CDK19: variants seen among roughly 807,000 people sequenced by gnomAD.
CDK19 encodes cyclin-dependent kinase 19.
CDK19 carries 20 observed loss-of-function variants against 68.3 expected under a neutral mutation model. That is an observed-to-expected ratio of 0.29 (90% CI 0.21 to 0.43). The LOEUF (loss-of-function observed/expected upper bound fraction) is 0.43, where lower values mean the gene tolerates loss of function less well. Among genes scored for constraint, CDK19 ranks in the 20% least tolerant of loss-of-function variants. The probability of loss-of-function intolerance (pLI) is 1.00; values close to 1 mark genes in which losing one functional copy is unlikely to be tolerated. For missense variants in CDK19, 339 were observed against 623.5 expected, an observed-to-expected ratio of 0.54 and a Z score of 4.86; for synonymous variants, 221 against 222.8, an observed-to-expected ratio of 0.99 and a Z score of 0.07.
chr6:110,699,125 G>A (rs1374095378), intron 2 of CDK19, among the ~76,000 whole-genome samples: 1 of 150,336 alleles, frequency 6.7e-6, no homozygotes. Context: ...ATGAAATAAT[G>A]TCTTTTCAGA....
intron 2 of CDK19, among the ~76,000 whole-genome samples, chr6:110,674,958 T>C (rs1189232541): frequency 2.7e-5 from 4 of 148,608 alleles, no homozygotes; most frequent in Non-Finnish European, 4.4e-5. Flanking sequence ...TTCTCTTCAA[T>C]GTGTGAAGGC....
At chr6:110,624,553 G>A (rs1259532312) in intron 8 of CDK19, among the ~76,000 whole-genome samples, 4 of 152,220 alleles carry the variant, frequency 2.6e-5, no homozygotes, top group South Asian at 2.1e-4. Flanking sequence ...GGTGTTTTGC[G>A]TGTGTGTGGC....
intron 2 of CDK19, among the ~76,000 whole-genome samples, chr6:110,736,209 C>T (rs771481253): frequency 2.6e-4 from 39 of 152,190 alleles, no homozygotes; most frequent in Non-Finnish European, 4.4e-4. Flanking sequence ...GGCGTGCTGG[C>T]GCATGCCTGT....
intron 5 of CDK19, among the ~76,000 whole-genome samples, chr6:110,636,743 G>A (rs921484686): frequency 6.6e-6 from 1 of 152,174 alleles, no homozygotes; most frequent in Non-Finnish European, 1.5e-5. Context: ...GAAATGAATA[G>A]AGCAAGTGCT....
chr6:110,793,234 A>G (rs1416784156), intron 1 of CDK19, among the ~76,000 whole-genome samples: 1 of 152,206 alleles, frequency 6.6e-6, no homozygotes, highest in Non-Finnish European at 1.5e-5. Context: ...AAATGCTGAA[A>G]AAGAAAATGT....
At chr6:110,711,973 A>T (rs567114597) in intron 2 of CDK19, among the ~76,000 whole-genome samples, 1 of 152,384 alleles carries the variant, frequency 6.6e-6, no homozygotes, top group East Asian at 1.9e-4. Flanking sequence ...ACTCCGTCTC[A>T]AAAAATAAAT....
At chr6:110,631,229 G>C (rs935999369) in intron 6 of CDK19, among the ~76,000 whole-genome samples, 1 of 152,176 alleles carries the variant, frequency 6.6e-6, no homozygotes, top group South Asian at 2.1e-4. Flanking sequence ...ATATACTTAG[G>C]AAATTTGGAT....
At chr6:110,782,864 A>G (rs1346530832) in intron 1 of CDK19, among the ~76,000 whole-genome samples, 1 of 152,148 alleles carries the variant, frequency 6.6e-6, no homozygotes, top group East Asian at 1.9e-4. Flanking sequence ...ATCCTGAATG[A>G]CTTGCTGTTG....
chr6:110,730,677 T>A (rs1205626657), intron 2 of CDK19, among the ~76,000 whole-genome samples: 1 of 152,236 alleles, frequency 6.6e-6, no homozygotes, highest in African/African-American at 2.4e-5. Flanking sequence ...TTCTTCTTCT[T>A]CTGAGGCATC....
intron 2 of CDK19, among the ~76,000 whole-genome samples, chr6:110,695,126 TAAAGGGGAAAGGGG>T (rs61287960): frequency 7.0e-6 from 1 of 143,508 alleles, no homozygotes; most frequent in Non-Finnish European, 1.5e-5. Flanking sequence ...GGAGAAAGGG[TAAAGGGGAAAGGGG>T]AAAGGGGAAA....
At chr6:110,614,981 T>C (rs1317508230) in intron 12 of CDK19, among the ~76,000 whole-genome samples, 2 of 152,164 alleles carry the variant, frequency 1.3e-5, no homozygotes, top group African/African-American at 4.8e-5. Context: ...GGTGTAACAA[T>C]CCTTTGCATA....
At chr6:110,787,099 C>T (rs1452056630) in intron 1 of CDK19, among the ~76,000 whole-genome samples, 9 of 152,064 alleles carry the variant, frequency 5.9e-5, no homozygotes, top group South Asian at 2.1e-4. Context: ...GGGCCAGGCG[C>T]GGTGGCTCAC....
chr6:110,769,587 A>G (rs1779863500), intron 1 of CDK19, among the ~76,000 whole-genome samples: 1 of 151,034 alleles, frequency 6.6e-6, no homozygotes, highest in African/African-American at 2.4e-5. Context: ...AAATAATAAT[A>G]ATAATAATAA....
In CDK19 at chr6:110,784,722, T is replaced by C. The variant is rs565117148; in HGVS notation, c.128+30287A>G. Among the ~76,000 whole-genome samples, 106 of 151,984 alleles carry C rather than the reference T, an allele frequency of 7.0e-4. 2 individuals are homozygous for C. The highest frequency in any genetic ancestry group is 1.8e-4 in the Non-Finnish European group (12 of 67,998). On this transcript the variant is annotated intron_variant, in intron 1 of 12. Coordinates refer to ENST00000368911, the MANE Select transcript of CDK19 (RefSeq NM_015076.5). Reference sequence around the variant, plus strand: ...AGCATTAATCATAATAGCCTAAAAGTGGAAACAATCAAATGTTCATCAGTT... The same window carrying C: ...AGCATTAATCATAATAGCCTAAAAGCGGAAACAATCAAATGTTCATCAGTT...
At chr6:110,723,643 T>C (rs1776110234) in intron 2 of CDK19, among the ~76,000 whole-genome samples, 1 of 152,088 alleles carries the variant, frequency 6.6e-6, no homozygotes, top group South Asian at 2.1e-4. Context: ...CCACCAAAAG[T>C]TCTAAATAAA....
At chr6:110,746,035 TC>T (rs1293127427) in intron 2 of CDK19, 90 bp downstream of exon 2, 1 of 561,122 alleles carries the variant, frequency 1.8e-6, no homozygotes, top group African/African-American at 2.0e-5. Flanking sequence ...AAATAAACAT[TC>T]ATTATATATA....
At chr6:110,726,124 C>T (rs1776296468) in intron 2 of CDK19, among the ~76,000 whole-genome samples, 1 of 152,040 alleles carries the variant, frequency 6.6e-6, no homozygotes, top group African/African-American at 2.4e-5. Flanking sequence ...AGGAAACTAT[C>T]TTATCTGATT....
At chr6:110,809,586 A>G (rs1243223012) in intron 1 of CDK19, among the ~76,000 whole-genome samples, 1 of 152,226 alleles carries the variant, frequency 6.6e-6, no homozygotes, top group Non-Finnish European at 1.5e-5. Context: ...GAAAAAATAC[A>G]TTAGAAGTAT....
intron 1 of CDK19, 108 bp downstream of exon 1, chr6:110,814,901 G>T (rs753155513): frequency 1.4e-5 from 20 of 1,461,142 alleles, no homozygotes; most frequent in Non-Finnish European, 1.9e-5. Flanking sequence ...GACCCCCTCC[G>T]CCTCGCCCCT....
Sources: gnomAD v4.1 joint callset for allele counts (sites outside exome capture counted in the v4.1 genomes callset) on GRCh38, gnomAD v4.1.1 for gene constraint, MANE v1.5 for transcripts, NCBI Gene and HGNC (gene_info 2026-07-23, HGNC 2026-07-21) for gene names.